The following BORCS5 variants were observed in gnomAD, a reference collection of about 807,000 sequenced individuals.
BORCS5 encodes BLOC-1 related complex subunit 5.
A neutral mutation model predicts 22.1 loss-of-function variants in BORCS5; 17 were observed. The observed-to-expected ratio is 0.77, with a 90% confidence interval of 0.53 to 1.15. The LOEUF is 1.15. Among genes scored for constraint, BORCS5 ranks in the 50% most tolerant of loss-of-function variants. BORCS5 has a pLI of 0.00. For missense variants in BORCS5, 247 were observed against 253.2 expected, an observed-to-expected ratio of 0.98 and a Z score of 0.17; for synonymous variants, 117 against 99.8, an observed-to-expected ratio of 1.17 and a Z score of -1.03.
intron 2 of BORCS5, among the ~76,000 whole-genome samples, chr12:12,413,516 G>A (rs377750941): frequency 6.7e-6 from 1 of 149,824 alleles, no homozygotes; most frequent in East Asian, 1.9e-4. Flanking sequence ...TGATTTCTCA[G>A]TTTTTTCCCC....
At chr12:12,427,163 CTTTCTTTTCTTTT>C (rs1942306554) in intron 2 of BORCS5, among the ~76,000 whole-genome samples, 1 of 133,602 alleles carries the variant, frequency 7.5e-6, no homozygotes, top group African/African-American at 2.8e-5. Context: ...TAGACTTTCT[CTTTCTTTTCTTTT>C]TTTTTTTTTT....
Position 12,465,848 on chromosome 12 carries a change from T to TA in BORCS5, c.*73dup. The TA allele has an allele frequency of 7.5e-7, 1 of 1,329,378 alleles. No homozygotes were observed. Among genetic ancestry groups the TA allele is most frequent in the Admixed American group, 2.0e-5 (1 of 49,530 alleles). The allele number at this position is 1,329,378 out of a possible 1,614,324, so 82.3% of individuals were successfully genotyped here. On this transcript the variant is annotated 3_prime_UTR_variant, in exon 4 of 4. Coordinates refer to ENST00000314565, the MANE Select transcript of BORCS5 (RefSeq NM_058169.6). ...CTGAGGACGTGTGGAGCTAAGGTCATATCATCTGACCAGGTCTGGAGGCTG... is the reference window on the plus strand; with the variant it reads ...CTGAGGACGTGTGGAGCTAAGGTCATAATCATCTGACCAGGTCTGGAGGCTG...
At chr12:12,433,252 C>A (rs1942472565) in intron 2 of BORCS5, among the ~76,000 whole-genome samples, 2 of 129,258 alleles carry the variant, frequency 1.5e-5, no homozygotes, top group Admixed American at 9.4e-5. Context: ...ATTGCTTGAA[C>A]AAGGTTTCAG....
intron 2 of BORCS5, among the ~76,000 whole-genome samples, chr12:12,399,703 T>C (rs1941425342): frequency 6.6e-6 from 1 of 152,228 alleles, no homozygotes; most frequent in Non-Finnish European, 1.5e-5. Context: ...GTTGAATTAA[T>C]AGTATTTAAT....
Position 12,469,399 on chromosome 12 carries a change from A to G in BORCS5, c.*3623A>G, listed in dbSNP as rs1431208487. 1 of 152,210 alleles carries G rather than the reference A, an allele frequency of 6.6e-6. No homozygotes were observed. The highest frequency in any genetic ancestry group is 1.5e-5 in the Non-Finnish European group (1 of 68,040). 9.4% of individuals were successfully genotyped at this position (152,210 alleles called of 1,614,324 possible). ...GGAGAATCTGCTTTTTGAGTAAAAA[A>G]GTTTGATTTTATGTATGTGTGCGTC... is the stretch of plus-strand genomic sequence containing the variant. On this transcript the variant is annotated 3_prime_UTR_variant, in exon 4 of 4. Transcript: ENST00000314565.
At chr12:12,449,150 T>C (rs1469838220) in intron 3 of BORCS5, among the ~76,000 whole-genome samples, 1 of 152,146 alleles carries the variant, frequency 6.6e-6, no homozygotes, top group Non-Finnish European at 1.5e-5. Context: ...GAGAGTGGAC[T>C]CATGCCTAGG....
intron 2 of BORCS5, among the ~76,000 whole-genome samples, chr12:12,378,734 T>C (rs1863711549): frequency 6.6e-6 from 1 of 151,216 alleles, no homozygotes; most frequent in Non-Finnish European, 1.5e-5. Flanking sequence ...TGTAGCAGTG[T>C]TAATTTCCTG....
intron 2 of BORCS5, among the ~76,000 whole-genome samples, chr12:12,425,623 C>A (rs1412030655): frequency 6.6e-6 from 1 of 152,216 alleles, no homozygotes; most frequent in Non-Finnish European, 1.5e-5. Flanking sequence ...TGCTTATTGG[C>A]TGTTTGTATA....
intron 2 of BORCS5, among the ~76,000 whole-genome samples, chr12:12,382,534 C>T (rs796485247): frequency 0.011 from 1,418 of 132,482 alleles, 55 homozygotes; most frequent in African/African-American, 0.038. Context: ...TGGTATATAT[C>T]TTTTTTTTTT....
rs139357200 is a variant in BORCS5 at position 12,434,281 on chromosome 12, CAAAA to C, written c.203-1327_203-1324del. Among the ~76,000 whole-genome samples, 713 of 76,558 alleles carry C rather than the reference CAAAA, an allele frequency of 9.3e-3. 6 individuals carry two copies. Among genetic ancestry groups the C allele is most frequent in the African/African-American group, 0.034 (660 of 19,342 alleles). 50.2% of individuals were successfully genotyped at this position (76,558 alleles called of 152,430 possible). A position where few individuals can be genotyped will look rare whatever the true frequency, so the allele number is the denominator to read the frequency against. On this transcript the variant is annotated intron_variant, in intron 2 of 3. Transcript: ENST00000314565. ...TGGGCAACAGAGCAAGACTCTGTCT[CAAAA>C]AAAAAAAAAAAAAAAAAAAGCTTTG...
At chr12:12,451,220 G>C (rs572157073) in intron 3 of BORCS5, among the ~76,000 whole-genome samples, 1 of 151,434 alleles carries the variant, frequency 6.6e-6, no homozygotes, top group Non-Finnish European at 1.5e-5. Context: ...GAGTCAGAGG[G>C]TTGTAAAAAA....
chr12:12,411,475 T>C (rs554767258), intron 2 of BORCS5, among the ~76,000 whole-genome samples: 1 of 152,162 alleles, frequency 6.6e-6, no homozygotes, highest in Non-Finnish European at 1.5e-5. Context: ...ATTCTCTATA[T>C]ATTCTGGATA....
rs1197419540 is a variant in BORCS5 at position 12,466,496 on chromosome 12, T to G, written c.*720T>G. On this transcript the variant is annotated 3_prime_UTR_variant, in exon 4 of 4. Transcript: ENST00000314565. ...GATGTCTCATTCCACAGACATTTCT[T>G]GAACCCATTTGATGTGTCCAATATT... 6.6e-6 allele frequency: 1 copy of G among 152,248 alleles called. No homozygotes were observed. The highest frequency in any genetic ancestry group is 1.9e-4 in the East Asian group (1 of 5,202). 9.4% of individuals were successfully genotyped at this position (152,248 alleles called of 1,614,324 possible).
intron 2 of BORCS5, among the ~76,000 whole-genome samples, chr12:12,377,524 A>G (rs988742970): frequency 6.6e-6 from 1 of 152,150 alleles, no homozygotes; most frequent in South Asian, 2.1e-4. Flanking sequence ...CTTAGGGCCC[A>G]GCACAAAGCT....
chr12:12,401,519 AT>A (rs1219025475), intron 2 of BORCS5, among the ~76,000 whole-genome samples: 1 of 151,904 alleles, frequency 6.6e-6, no homozygotes, highest in Admixed American at 6.6e-5. Flanking sequence ...TTTTTTAATA[AT>A]TTTTTTTCTG....
rs376874521 is a variant in BORCS5, at chr12:12,439,827, T to A, written c.360+4042T>A. On this transcript the variant is annotated intron_variant, in intron 3 of 3. Coordinates refer to ENST00000314565, the MANE Select transcript of BORCS5 (RefSeq NM_058169.6). ...AATGTGTCCGTCTTATCTCTGTTGG[T>A]GAGTGTTAGCAAACTCCTGAATCAT... 3.3e-5 allele frequency among the ~76,000 whole-genome samples: 5 copies of A among 152,332 alleles called. No individual in the cohort carries two copies. In the East Asian group the frequency reaches 9.6e-4, roughly 29 times the overall value.
At chr12:12,460,698 G>A (rs1365429293) in intron 3 of BORCS5, among the ~76,000 whole-genome samples, 1 of 152,116 alleles carries the variant, frequency 6.6e-6, no homozygotes, top group Admixed American at 6.5e-5. Flanking sequence ...ATAAATGCAT[G>A]TTCAGTTTTT....
At chr12:12,465,512 C>T (rs755087878) in intron 3 of BORCS5, 34 bp from the exon 4 acceptor site, 1 of 1,590,956 alleles carries the variant, frequency 6.3e-7, no homozygotes, top group East Asian at 2.2e-5. Flanking sequence ...CTTGATTAAA[C>T]AAGGTATAAT....
At chr12:12,407,298 T>C (rs1406679069) in intron 2 of BORCS5, among the ~76,000 whole-genome samples, 1 of 152,186 alleles carries the variant, frequency 6.6e-6, no homozygotes, top group Non-Finnish European at 1.5e-5. Context: ...GAAAACCTGG[T>C]TCAATTCTCT....
Sources: allele counts gnomAD v4.1 joint callset (sites outside exome capture counted in the v4.1 genomes callset), GRCh38; gene constraint gnomAD v4.1.1; transcripts MANE v1.5; gene names NCBI Gene and HGNC (gene_info 2026-07-23, HGNC 2026-07-21).